Variants in TSHZ2 observed in about 807,000 individuals in gnomAD.
TSHZ2 encodes the protein teashirt homolog 2.
A neutral mutation model predicts 74.4 loss-of-function variants in TSHZ2; 21 were observed. That is an observed-to-expected ratio of 0.28 (90% CI 0.20 to 0.41). The LOEUF (loss-of-function observed/expected upper bound fraction) is 0.41. TSHZ2 is among the 10% of genes least tolerant of loss of function. The pLI is 1.00. For synonymous variants in TSHZ2, 540 were observed against 515.3 expected (o/e 1.05, Z -0.65); for missense variants, 1,244 against 1,293.5 (o/e 0.96, Z 0.59).
At chr20:53,276,724 T>C (rs1290356395) in intron 2 of TSHZ2, among the ~76,000 whole-genome samples, 2 of 152,184 alleles carry the variant, frequency 1.3e-5, no homozygotes, top group Non-Finnish European at 2.9e-5. Flanking sequence ...TCAGATTCAA[T>C]AGGTCCAGGG....
In TSHZ2 at chr20:52,975,462, T is replaced by C. The variant is rs977440291; in HGVS notation, c.40+2129T>C. On this transcript the variant is annotated intron_variant, in intron 1 of 2. Transcript: ENST00000371497. ...GTATCACATTATTTAAATCAGGTCC[T>C]TTTCATTAAGCTGTGTCTGTTGGTG... Among the ~76,000 whole-genome samples the C allele has an allele frequency of 2.6e-5, 4 of 152,220 alleles. No homozygotes were observed. In the South Asian group the frequency reaches 6.2e-4, roughly 24 times the overall value.
chr20:53,436,536 A>ATTTTT lies in TSHZ2; in HGVS notation c.*9-50606_*9-50605insTTTTT, dbSNP rs71194478. On this transcript the variant is annotated intron_variant, in intron 2 of 2. Transcript: ENST00000371497. ...CTTATTTTATTTATTTATTATTATTATTATTATTATTATTTTTTTTTTTTT... is the reference window on the plus strand; with the variant it reads ...CTTATTTTATTTATTTATTATTATTATTTTTTTATTATTATTATTTTTTTTTTTTT... Among the ~76,000 whole-genome samples the ATTTTT allele has an allele frequency of 6.0e-3, 496 of 83,288 alleles. 20 individuals are homozygous for ATTTTT. Among genetic ancestry groups the ATTTTT allele is most frequent in the East Asian group, 8.5e-3 (21 of 2,478 alleles). The allele number at this position is 83,288 out of a possible 152,430, so 54.6% of individuals were successfully genotyped here. A position where few individuals can be genotyped will look rare whatever the true frequency, so the allele number is the denominator to read the frequency against.
At chr20:53,396,109 G>C (rs978713425) in intron 2 of TSHZ2, among the ~76,000 whole-genome samples, 1 of 151,498 alleles carries the variant, frequency 6.6e-6, no homozygotes, top group Admixed American at 6.6e-5. Flanking sequence ...CTAATTTTTT[G>C]TATTTTTTTA....
At chr20:53,121,429 T>TTAGTACAAATAA in intron 1 of TSHZ2, among the ~76,000 whole-genome samples, 1 of 151,898 alleles carries the variant, frequency 6.6e-6, no homozygotes, top group East Asian at 1.9e-4. Context: ...CAGAGGATTA[T>TTAGTACAAATAA]GTTTCAGTCC....
intron 1 of TSHZ2, among the ~76,000 whole-genome samples, chr20:53,106,757 G>A (rs1188077887): frequency 6.9e-6 from 1 of 145,974 alleles, no homozygotes; most frequent in Non-Finnish European, 1.5e-5. Flanking sequence ...GGGTGCAGTG[G>A]CACTATCTTG....
chr20:53,453,483 A>AT lies in TSHZ2; in HGVS notation c.*9-33652dup, dbSNP rs951682588. 5.9e-5 allele frequency among the ~76,000 whole-genome samples: 9 copies of AT among 151,798 alleles called. No individual in the cohort carries two copies. In the East Asian group the frequency reaches 7.7e-4, roughly 13 times the overall value. ...TTGGGGTCCTTCAGACCAGCCATGA[A>AT]TTTTTTTTTCCTGTGCTCTAATAAT... On this transcript the variant is annotated intron_variant, in intron 2 of 2. Transcript: ENST00000371497.
chr20:53,330,604 T>C (rs552926970), intron 2 of TSHZ2, among the ~76,000 whole-genome samples: 2 of 152,224 alleles, frequency 1.3e-5, no homozygotes, highest in Admixed American at 1.3e-4. Flanking sequence ...TAGGTGGAGA[T>C]TGTATGTTTT....
intron 1 of TSHZ2, among the ~76,000 whole-genome samples, chr20:53,079,668 T>G (rs1027059618): frequency 1.3e-5 from 2 of 152,200 alleles, no homozygotes; most frequent in African/African-American, 4.8e-5. Flanking sequence ...GGCCCCACAC[T>G]GGTAATAAAA....
rs916953 is a variant in TSHZ2 at position 53,242,500 on chromosome 20, G to A, written c.41-10999G>A. Among the ~76,000 whole-genome samples, 338 of 152,288 alleles carry A rather than the reference G, an allele frequency of 2.2e-3. 8 individuals carry two copies. The highest frequency in any genetic ancestry group is 0.017 in the Admixed American group (263 of 15,276). ...GGGATGAGTTCTTGGTCCACCTCAT[G>A]TCAGATGAACATAAGCCAAGTTGTA... On this transcript the variant is annotated intron_variant, in intron 1 of 2. Coordinates refer to ENST00000371497, the MANE Select transcript of TSHZ2 (RefSeq NM_173485.6).
chr20:53,151,088 C>T (rs1041431509), intron 1 of TSHZ2, among the ~76,000 whole-genome samples: 4 of 152,146 alleles, frequency 2.6e-5, no homozygotes, highest in African/African-American at 7.2e-5. Flanking sequence ...TATCATATCA[C>T]GCTCTCTTGA....
At chr20:53,374,592 C>T (rs753940905) in intron 2 of TSHZ2, among the ~76,000 whole-genome samples, 60 of 152,196 alleles carry the variant, frequency 3.9e-4, no homozygotes, top group Non-Finnish European at 7.2e-4. Context: ...GACTAATTTA[C>T]ATTCCCACCA....
At chr20:53,192,631 A>G (rs1988765933) in intron 1 of TSHZ2, among the ~76,000 whole-genome samples, 1 of 152,036 alleles carries the variant, frequency 6.6e-6, no homozygotes. Flanking sequence ...ACAGGGCAGA[A>G]TGTAAAGACC....
chr20:53,473,201 G>T (rs1173364836), intron 2 of TSHZ2, among the ~76,000 whole-genome samples: 4 of 145,766 alleles, frequency 2.7e-5, no homozygotes, highest in Non-Finnish European at 6.0e-5. Context: ...ACCTCTGGGG[G>T]CAGGGCACAG....
At chr20:53,069,910 A>C (rs143363987) in intron 1 of TSHZ2, among the ~76,000 whole-genome samples, 2 of 152,328 alleles carry the variant, frequency 1.3e-5, no homozygotes, top group East Asian at 3.9e-4. Context: ...ACCCCTGGAA[A>C]GAGGACCACT....
chr20:53,336,474 GC>G (rs1341048225), intron 2 of TSHZ2, among the ~76,000 whole-genome samples: 1 of 152,182 alleles, frequency 6.6e-6, no homozygotes, highest in Non-Finnish European at 1.5e-5. Flanking sequence ...AAAGAAGAAT[GC>G]CCTGAATTCA....
In TSHZ2 at chr20:53,046,527, C is replaced by T. The variant is rs578202095; in HGVS notation, c.40+73194C>T. Among the ~76,000 whole-genome samples the T allele has an allele frequency of 5.9e-5, 9 of 152,220 alleles. No homozygotes were observed. In the South Asian group the frequency reaches 1.9e-3, roughly 32 times the overall value. On this transcript the variant is annotated intron_variant, in intron 1 of 2. Transcript: ENST00000371497. ...TTCACCAATAACGAGACAATGAAAA[C>T]AGTTGCTAGAAGTCTGCGGTGAATG...
chr20:53,387,850 C>G (rs1011224872), intron 2 of TSHZ2, among the ~76,000 whole-genome samples: 3 of 152,056 alleles, frequency 2.0e-5, no homozygotes, highest in Non-Finnish European at 4.4e-5. Flanking sequence ...AGTTCGAGAC[C>G]AGCCTGGGCA....
chr20:53,381,962 G>C (rs974880189), intron 2 of TSHZ2, among the ~76,000 whole-genome samples: 13 of 152,134 alleles, frequency 8.5e-5, no homozygotes, highest in African/African-American at 3.1e-4. Context: ...CTTTTTTGGG[G>C]ACAAGGAAAA....
intron 1 of TSHZ2, among the ~76,000 whole-genome samples, chr20:53,143,214 C>T (rs917652683): frequency 6.6e-6 from 1 of 152,216 alleles, no homozygotes; most frequent in East Asian, 1.9e-4. Context: ...CAGGCTTCTA[C>T]AGAAGACTCA....
Sources: allele counts gnomAD v4.1 joint callset (sites outside exome capture counted in the v4.1 genomes callset), GRCh38; gene constraint gnomAD v4.1.1; transcripts MANE v1.5; gene names NCBI Gene and HGNC (gene_info 2026-07-23, HGNC 2026-07-21).